Variants in MYO3B observed in about 807,000 individuals in gnomAD.
MYO3B encodes myosin-IIIb.
Under a neutral mutation model 174.6 loss-of-function variants are expected in MYO3B, and 156 were observed. The observed-to-expected ratio is 0.89, with a 90% confidence interval of 0.78 to 1.02. The LOEUF (loss-of-function observed/expected upper bound fraction) is 1.02. MYO3B is among the 50% of genes least tolerant of loss of function. MYO3B has a pLI of 0.00. For missense variants in MYO3B, 1,632 were observed against 1,639.4 expected (o/e 1.00, Z 0.08); for synonymous variants, 563 against 569.1 (o/e 0.99, Z 0.15).
chr2:170,356,152 G>A (rs1041429557), intron 8 of MYO3B, among the ~76,000 whole-genome samples: 4 of 151,612 alleles, frequency 2.6e-5, no homozygotes, highest in African/African-American at 9.7e-5. Flanking sequence ...TACTGGAGAC[G>A]GGGTTTCACC....
At chr2:170,618,261 G>A (rs1056922384) in intron 32 of MYO3B, among the ~76,000 whole-genome samples, 2 of 152,090 alleles carry the variant, frequency 1.3e-5, no homozygotes, top group Non-Finnish European at 2.9e-5. Context: ...GTCACGGCTC[G>A]AATAAGAGGA....
Position 170,654,171 on chromosome 2 carries a change from T to A in MYO3B, c.*1050T>A, listed in dbSNP as rs1314519454. On this transcript the variant is annotated 3_prime_UTR_variant, in exon 35 of 35. Transcript: ENST00000408978. ...GTTTGGGCTGATTATATTGTAATGA[T>A]GTTAGATAATACTCAACATGATTCA... is the stretch of plus-strand genomic sequence containing the variant. 1 of 152,232 alleles carries A rather than the reference T, an allele frequency of 6.6e-6. No homozygotes were observed. Among genetic ancestry groups the A allele is most frequent in the African/African-American group, 2.4e-5 (1 of 41,468 alleles). 9.4% of individuals were successfully genotyped at this position (152,232 alleles called of 1,614,324 possible).
intron 7 of MYO3B, among the ~76,000 whole-genome samples, chr2:170,263,175 G>T (rs917374018): frequency 6.6e-5 from 10 of 152,200 alleles, no homozygotes; most frequent in African/African-American, 2.4e-4. Flanking sequence ...TGGTAGGTTA[G>T]AAATGCAGGC....
intron 7 of MYO3B, among the ~76,000 whole-genome samples, chr2:170,260,611 TTGGGTGA>T (rs2093338450): frequency 6.6e-6 from 1 of 152,200 alleles, no homozygotes; most frequent in Admixed American, 6.5e-5. Flanking sequence ...TGCTCACTAC[TTGGGTGA>T]TGGGACCAAT....
chr2:170,310,752 A>T (rs12469464), intron 7 of MYO3B, among the ~76,000 whole-genome samples: 41,655 of 150,530 alleles, frequency 0.28, 7,554 homozygotes, highest in African/African-American at 0.5. Context: ...TCCAGGCTAT[A>T]GGTAAATTTA....
chr2:170,629,862 C>A (rs765568411), intron 32 of MYO3B, among the ~76,000 whole-genome samples: 1 of 152,098 alleles, frequency 6.6e-6, no homozygotes, highest in Non-Finnish European at 1.5e-5. Flanking sequence ...AACAAACAAA[C>A]AAAACCCACA....
chr2:170,407,358 G>A (rs62168143), intron 21 of MYO3B, among the ~76,000 whole-genome samples: 10,565 of 152,188 alleles, frequency 0.069, 424 homozygotes, highest in Non-Finnish European at 0.095. Flanking sequence ...CTACTCGGGA[G>A]GCTGAGGCAG....
chr2:170,649,298 AAAT>A lies in MYO3B; in HGVS notation c.3734-2325_3734-2323del, dbSNP rs1454586017. Among the ~76,000 whole-genome samples the A allele has an allele frequency of 2.6e-4, 22 of 83,504 alleles. 1 individual carries two copies. Among genetic ancestry groups the A allele is most frequent in the South Asian group, 1.6e-3 (5 of 3,048 alleles). 54.8% of individuals were successfully genotyped at this position (83,504 alleles called of 152,430 possible). Reference sequence around the variant, plus strand: ...TATAAAATAATATATATTATATATAAAATAATATATATTATATATAAAATAATA... The same window carrying A: ...TATAAAATAATATATATTATATATAAAATATATATTATATATAAAATAATA... On this transcript the variant is annotated intron_variant, in intron 32 of 34. Coordinates refer to ENST00000408978, the MANE Select transcript of MYO3B (RefSeq NM_138995.5).
intron 7 of MYO3B, among the ~76,000 whole-genome samples, chr2:170,255,731 A>G (rs2093299022): frequency 6.6e-6 from 1 of 152,230 alleles, no homozygotes; most frequent in South Asian, 2.1e-4. Flanking sequence ...AGCTCCGGCA[A>G]TTCAAGAAAT....
At chr2:170,625,847 C>A (rs1696371593) in intron 32 of MYO3B, among the ~76,000 whole-genome samples, 1 of 152,288 alleles carries the variant, frequency 6.6e-6, no homozygotes, top group Middle Eastern at 3.4e-3. Flanking sequence ...GTTCAGTTCC[C>A]ACGTAGTTGA....
intron 6 of MYO3B, among the ~76,000 whole-genome samples, chr2:170,228,484 G>A (rs2092977021): frequency 6.6e-6 from 1 of 152,174 alleles, no homozygotes; most frequent in Non-Finnish European, 1.5e-5. Flanking sequence ...GGACACATAC[G>A]AAATTTGGAC....
intron 32 of MYO3B, among the ~76,000 whole-genome samples, chr2:170,634,105 G>A (rs1222062338): frequency 6.6e-6 from 1 of 151,960 alleles, no homozygotes; most frequent in Non-Finnish European, 1.5e-5. Flanking sequence ...TCACAGAATT[G>A]GAAAAAAACT....
At chr2:170,618,715 A>T (rs6740803) in intron 32 of MYO3B, among the ~76,000 whole-genome samples, 118,686 of 151,444 alleles carry the variant, frequency 0.78, 46,658 homozygotes, top group Admixed American at 0.82. Context: ...TTATTAAGTT[A>T]AGTGAGGGTG....
intron 23 of MYO3B, among the ~76,000 whole-genome samples, chr2:170,458,000 C>A (rs1019219334): frequency 2.0e-5 from 3 of 152,184 alleles, no homozygotes; most frequent in Admixed American, 6.5e-5. Flanking sequence ...GTGGTCCACG[C>A]ACCTTGGCCT....
At chr2:170,192,638 A>G (rs2092554691) in intron 1 of MYO3B, among the ~76,000 whole-genome samples, 1 of 151,188 alleles carries the variant, frequency 6.6e-6, no homozygotes, top group South Asian at 2.1e-4. Flanking sequence ...TGAATAGAAT[A>G]TTAAAAAAAA....
At chr2:170,219,215 C>T (rs1384700629) in intron 6 of MYO3B, among the ~76,000 whole-genome samples, 1 of 152,224 alleles carries the variant, frequency 6.6e-6, no homozygotes, top group African/African-American at 2.4e-5. Flanking sequence ...CGTCCTTAGA[C>T]CCTCCCTTAA....
chr2:170,470,717 C>T (rs774156268), intron 25 of MYO3B, among the ~76,000 whole-genome samples: 5 of 152,214 alleles, frequency 3.3e-5, no homozygotes, highest in East Asian at 3.9e-4. Flanking sequence ...CCAATTTTTC[C>T]ACATCGTCTC....
In MYO3B at chr2:170,401,796, C is replaced by CTTTTTTTTTTTTTTTTT. The variant is rs1268110549; in HGVS notation, c.2129+110_2129+111insTTTTTTTTTTTTTTTTT. Reference sequence around the variant, plus strand: ...TTTGGTCCTCTCTGGGATTTTCTTTCTTTTTCTTTTTTTTTTTTTTTGTGG... The same window carrying CTTTTTTTTTTTTTTTTT: ...TTTGGTCCTCTCTGGGATTTTCTTTCTTTTTTTTTTTTTTTTTTTTTTCTTTTTTTTTTTTTTTGTGG... On this transcript the variant is annotated intron_variant, in intron 18 of 34. Coordinates refer to ENST00000408978, the MANE Select transcript of MYO3B (RefSeq NM_138995.5). 9.6e-5 allele frequency: 76 copies of CTTTTTTTTTTTTTTTTT among 794,424 alleles called. No homozygotes were observed. The African/African-American group carries it at 1.3e-3, about 14-fold the overall frequency. The allele number at this position is 794,424 out of a possible 1,614,324, so 49.2% of individuals were successfully genotyped here.
At chr2:170,242,781 A>T (rs1463590766) in intron 7 of MYO3B, among the ~76,000 whole-genome samples, 4 of 152,138 alleles carry the variant, frequency 2.6e-5, no homozygotes, top group African/African-American at 9.7e-5. Flanking sequence ...GGCACAACTG[A>T]CTGTGGCTAA....
Sources: gnomAD v4.1 joint callset for allele counts (sites outside exome capture counted in the v4.1 genomes callset) on GRCh38, gnomAD v4.1.1 for gene constraint, MANE v1.5 for transcripts, NCBI Gene and HGNC (gene_info 2026-07-23, HGNC 2026-07-21) for gene names.